The following SLC12A1 variants were observed in gnomAD, a reference collection of about 807,000 sequenced individuals.
The protein encoded by SLC12A1 is solute carrier family 12 member 1.
A neutral mutation model predicts 130.4 loss-of-function variants in SLC12A1; 89 were observed. The observed-to-expected ratio is 0.68, with a 90% CI of 0.58 to 0.81. SLC12A1 has a LOEUF of 0.81. SLC12A1 is among the 40% of genes least tolerant of loss of function. SLC12A1 has a pLI of 0.00. For synonymous variants in SLC12A1, 499 were observed against 460.0 expected (o/e 1.08, Z -1.09); for missense variants, 1,310 against 1,336.4 (o/e 0.98, Z 0.31).
intron 20 of SLC12A1, among the ~76,000 whole-genome samples, chr15:48,275,568 G>A (rs928778976): frequency 1.1e-4 from 17 of 152,286 alleles, no homozygotes; most frequent in African/African-American, 3.9e-4. Flanking sequence ...GCGATGCACT[G>A]GATGAGTAGG....
intron 2 of SLC12A1, among the ~76,000 whole-genome samples, chr15:48,216,024 C>T (rs2041116397): frequency 6.6e-6 from 1 of 152,068 alleles, no homozygotes; most frequent in South Asian, 2.1e-4. Context: ...ACTGTCAGAC[C>T]TTAATAGTCA....
chr15:48,287,223 A>G (rs77705877), intron 21 of SLC12A1, among the ~76,000 whole-genome samples: 4,139 of 152,280 alleles, frequency 0.027, 162 homozygotes, highest in East Asian at 0.11. Flanking sequence ...GTCCAGTTCC[A>G]ACACTGGCCG....
At chr15:48,275,910 GCT>G (rs1346344338) in intron 20 of SLC12A1, among the ~76,000 whole-genome samples, 1 of 152,186 alleles carries the variant, frequency 6.6e-6, no homozygotes, top group Non-Finnish European at 1.5e-5. Context: ...TAGATATCAT[GCT>G]CTTTCGGTTA....
intron 18 of SLC12A1, 67 bp downstream of exon 18, chr15:48,267,768 C>T: frequency 6.4e-7 from 1 of 1,554,372 alleles, no homozygotes; most frequent in Non-Finnish European, 8.8e-7. Context: ...TAATAAGGCT[C>T]CCAAAGTGAA....
At chr15:48,230,163 G>C (rs532655523) in intron 6 of SLC12A1, among the ~76,000 whole-genome samples, 1 of 152,148 alleles carries the variant, frequency 6.6e-6, no homozygotes, top group Admixed American at 6.5e-5. Flanking sequence ...TCAAAAGCTA[G>C]AATGAATCTC....
At chr15:48,213,864 C>T (rs542396743) in intron 2 of SLC12A1, among the ~76,000 whole-genome samples, 312 of 151,920 alleles carry the variant, frequency 2.1e-3, no homozygotes, top group Non-Finnish European at 3.3e-3. Flanking sequence ...GTTATGGATA[C>T]GAATAAAGGA....
chr15:48,234,986 T>A lies in SLC12A1; in HGVS notation c.1197T>A (p.Asn399Lys). The A allele has an allele frequency of 6.2e-7, 1 of 1,613,872 alleles. No individual in the cohort carries two copies. The highest frequency in any genetic ancestry group is 8.5e-7 in the Non-Finnish European group (1 of 1,179,836). ...CTACTGGGATTCTTGCTGGTGCCAA[T>A]ATCTCAGGAGATTTGGAGGTACGTT... ...PAATGILAGA[N>K]ISGDLEDPQD... Residue 399 changes from asparagine (N) to lysine (K), a missense_variant, in exon 9 of 27, where the codon AAT (asparagine) becomes AAA (lysine). Physicochemically the swap from Asn to Lys is moderately conservative, Grantham distance 94 (BLOSUM62 0). Coordinates refer to ENST00000380993, the MANE Select transcript of SLC12A1 (RefSeq NM_000338.3).
intron 10 of SLC12A1, among the ~76,000 whole-genome samples, chr15:48,242,344 C>A (rs775004495): frequency 1.3e-5 from 2 of 152,164 alleles, no homozygotes; most frequent in Non-Finnish European, 2.9e-5. Flanking sequence ...CCAGGCTGGA[C>A]CACCATGGAA....
At chr15:48,283,648 G>C (rs1004364754) in intron 20 of SLC12A1, among the ~76,000 whole-genome samples, 2 of 152,232 alleles carry the variant, frequency 1.3e-5, no homozygotes, top group South Asian at 2.1e-4. Flanking sequence ...GATTTAGTTA[G>C]TACATAATTG....
chr15:48,258,851 C>G (rs1196368191), intron 16 of SLC12A1, among the ~76,000 whole-genome samples: 1 of 152,184 alleles, frequency 6.6e-6, no homozygotes, highest in African/African-American at 2.4e-5. Flanking sequence ...ATGGGAACAT[C>G]TGTCCCCATG....
At chr15:48,245,126 G>A (rs971931872) in intron 11 of SLC12A1, among the ~76,000 whole-genome samples, 1 of 152,192 alleles carries the variant, frequency 6.6e-6, no homozygotes, top group Non-Finnish European at 1.5e-5. Context: ...GGTATGAATT[G>A]CATCATCAGG....
Position 48,241,577 on chromosome 15 carries a change from C to T in SLC12A1, c.1278C>T (p.Tyr426=), listed in dbSNP as rs139225683. 6.6e-5 allele frequency: 107 copies of T among 1,613,666 alleles called. 2 individuals carry two copies. The Middle Eastern group carries it at 1.3e-3, about 20-fold the overall frequency. ...CCATTTTCATCACCACTGTTGCCTACTTAGGGGTTGCAATTTGTGTAGGTA... is the reference window on the plus strand; with the variant it reads ...CCATTTTCATCACCACTGTTGCCTATTTAGGGGTTGCAATTTGTGTAGGTA... The part of the protein sequence containing the change: ...MLAIFITTVA[Y]LGVAICVGAC... Residue 426 remains tyrosine, a synonymous_variant, in exon 10 of 27, where the codon TAC becomes TAT. Coordinates refer to ENST00000380993, the MANE Select transcript of SLC12A1 (RefSeq NM_000338.3).
intron 2 of SLC12A1, among the ~76,000 whole-genome samples, chr15:48,215,575 A>C (rs1422825589): frequency 6.6e-6 from 1 of 152,194 alleles, no homozygotes; most frequent in Admixed American, 6.5e-5. Context: ...CTTTGGCCTC[A>C]AGAACATGAA....
chr15:48,219,882 G>T (rs1485480035), intron 2 of SLC12A1, among the ~76,000 whole-genome samples: 1 of 151,900 alleles, frequency 6.6e-6, no homozygotes, highest in African/African-American at 2.4e-5. Context: ...GCAAAAGTCT[G>T]TCTCTACAAA....
intron 10 of SLC12A1, among the ~76,000 whole-genome samples, chr15:48,243,849 T>A (rs1329211728): frequency 1.3e-5 from 2 of 152,210 alleles, no homozygotes; most frequent in Non-Finnish European, 2.9e-5. Flanking sequence ...TTTTATTGGT[T>A]GGTATTTAGT....
intron 9 of SLC12A1, among the ~76,000 whole-genome samples, chr15:48,240,034 T>TGG (rs1567316837): frequency 4.0e-5 from 1 of 25,236 alleles, no homozygotes; most frequent in Non-Finnish European, 1.3e-4. Flanking sequence ...TATATCCATA[T>TGG]ATATATATAT....
chr15:48,220,602 A>T, intron 2 of SLC12A1, 32 bp from the exon 3 acceptor site: 1 of 1,600,250 alleles, frequency 6.2e-7, no homozygotes, highest in Non-Finnish European at 8.5e-7. Context: ...TCATTGACCA[A>T]CTACTGTGTT....
chr15:48,239,238 A>C (rs538780672), intron 9 of SLC12A1, among the ~76,000 whole-genome samples: 66 of 152,288 alleles, frequency 4.3e-4, no homozygotes, highest in Non-Finnish European at 8.2e-4. Flanking sequence ...ATGGCTGGGC[A>C]TGGTGGCTCA....
intron 2 of SLC12A1, among the ~76,000 whole-genome samples, chr15:48,212,344 C>T (rs2041061658): frequency 6.6e-6 from 1 of 152,150 alleles, no homozygotes; most frequent in Non-Finnish European, 1.5e-5. Flanking sequence ...ACACATATAT[C>T]TATAAATATC....
Sources: gnomAD v4.1 joint callset for allele counts (sites outside exome capture counted in the v4.1 genomes callset) on GRCh38, gnomAD v4.1.1 for gene constraint, MANE v1.5 for transcripts, NCBI Gene and HGNC (gene_info 2026-07-23, HGNC 2026-07-21) for gene names.